The following CKLF variants were observed in gnomAD, a reference collection of about 807,000 sequenced individuals.
The protein encoded by CKLF is chemokine-like factor.
In CKLF, 16 loss-of-function variants were observed where a neutral mutation model predicts 12.9. The ratio of observed to expected loss-of-function variants is 1.24; its 90% CI spans 0.84 to 1.88. The LOEUF (loss-of-function observed/expected upper bound fraction) is 1.88. Among genes scored for constraint, CKLF ranks in the 40% most tolerant of loss-of-function variants. The pLI is 0.00. For missense variants in CKLF, 172 were observed against 188.5 expected, an observed-to-expected ratio of 0.91 and a Z score of 0.51; for synonymous variants, 61 against 69.0, an observed-to-expected ratio of 0.88 and a Z score of 0.57.
In CKLF at chr16:66,565,093, T is replaced by C. The variant is rs571489197; in HGVS notation, c.334-793T>C. 5.3e-5 allele frequency among the ~76,000 whole-genome samples: 8 copies of C among 152,072 alleles called. No homozygotes were observed. In the East Asian group the frequency reaches 1.5e-3, roughly 29 times the overall value. On this transcript the variant is annotated intron_variant, in intron 3 of 3. Coordinates refer to ENST00000264001, the MANE Select transcript of CKLF (RefSeq NM_016951.4). ...GTACAGAGTGCCAGTCATGAAAAGATTGGTAGGAGGTATTCAGTGTGGTCA... is the reference window on the plus strand; with the variant it reads ...GTACAGAGTGCCAGTCATGAAAAGACTGGTAGGAGGTATTCAGTGTGGTCA...
chr16:66,552,802 G>T lies in CKLF; in HGVS notation c.78+9G>T, dbSNP rs561609452. 2 of 1,613,888 alleles carry T rather than the reference G, an allele frequency of 1.2e-6. 1 individual carries two copies. The highest frequency in any genetic ancestry group is 2.2e-5 in the South Asian group (2 of 91,082). The stretch of plus-strand genomic sequence containing the variant: ...TGAAGATGCTGCGGCTGGTGAGGCC[G>T]GGCCGCGGAGGGCGGGAGGCTGATG... On this transcript the variant is annotated intron_variant, in intron 1 of 3. Transcript: ENST00000264001.
chr16:66,561,640 A>T (rs1272829434), intron 2 of CKLF, among the ~76,000 whole-genome samples: 2 of 152,190 alleles, frequency 1.3e-5, no homozygotes, highest in African/African-American at 2.4e-5. Flanking sequence ...TCCAACACAG[A>T]AGAGAGTTAA....
intron 3 of CKLF, among the ~76,000 whole-genome samples, chr16:66,564,441 T>C: frequency 6.6e-6 from 1 of 152,246 alleles, no homozygotes; most frequent in African/African-American, 2.4e-5. Context: ...CTGAGCTAAA[T>C]ATATTAAAAT....
At position 66,566,045 on chromosome 16, in the gene CKLF, T is replaced by G; in HGVS notation, c.*34T>G. ...TACTTTTTAGTTTGATACTAAGTAT[T>G]AAACATATTTCTGTATTCTTCCACA... On this transcript the variant is annotated 3_prime_UTR_variant, in exon 4 of 4. Coordinates refer to ENST00000264001, the MANE Select transcript of CKLF (RefSeq NM_016951.4). This position sits in a 1 kb window ranked among gnomAD's most constrained non-coding sequence, Gnocchi z 4.9. The G allele has an allele frequency of 6.2e-7, 1 of 1,604,954 alleles. No individual in the cohort carries two copies. The highest frequency in any genetic ancestry group is 8.5e-7 in the Non-Finnish European group (1 of 1,172,322).
intron 1 of CKLF, among the ~76,000 whole-genome samples, chr16:66,556,561 C>T (rs560828754): frequency 6.6e-6 from 1 of 152,182 alleles, no homozygotes; most frequent in South Asian, 2.1e-4. Flanking sequence ...TGCAAATCAC[C>T]ATGATGAAAA....
intron 1 of CKLF, among the ~76,000 whole-genome samples, chr16:66,556,467 T>A (rs1469102536): frequency 6.6e-6 from 1 of 152,146 alleles, no homozygotes; most frequent in Non-Finnish European, 1.5e-5. Flanking sequence ...TTAGGAAAGA[T>A]GTAAGAACTG....
At chr16:66,553,171 A>T (rs571026452) in intron 1 of CKLF, among the ~76,000 whole-genome samples, 4 of 151,584 alleles carry the variant, frequency 2.6e-5, no homozygotes, top group African/African-American at 9.7e-5. Flanking sequence ...AAAAACAAAA[A>T]CAAAAAAAAA....
rs770896579 is a variant in CKLF, at chr16:66,552,690, G to A, written c.-26G>A. On this transcript the variant is annotated 5_prime_UTR_variant, in exon 1 of 4. In the 5' UTR this introduces an upstream ATG that the reference lacks. Coordinates refer to ENST00000264001, the MANE Select transcript of CKLF (RefSeq NM_016951.4). ...GCCAGCTGAGAAGAGTTGAGGGAAAGTGCTGCTGCTGGGTCTGCAGACGCG... is the reference window on the plus strand; with the variant it reads ...GCCAGCTGAGAAGAGTTGAGGGAAAATGCTGCTGCTGGGTCTGCAGACGCG... 3 of 1,614,028 alleles carry A rather than the reference G, an allele frequency of 1.9e-6. No individual in the cohort carries two copies. In the Admixed American group the frequency reaches 5.0e-5, roughly 27 times the overall value.
chr16:66,552,759 T>A lies in CKLF; in HGVS notation c.44T>A (p.Phe15Tyr), dbSNP rs779252872. ...QPKIKHRPFC[F>Y]SVKGHVKMLR... ...AAAATAAAACATCGCCCCTTCTGCTTCAGTGTGAAAGGCCACGTGAAGATG... is the reference window on the plus strand; with the variant it reads ...AAAATAAAACATCGCCCCTTCTGCTACAGTGTGAAAGGCCACGTGAAGATG... Residue 15 changes from phenylalanine (F) to tyrosine (Y), a missense_variant, in exon 1 of 4, where the codon TTC becomes TAC. Physicochemically the swap from Phe to Tyr is conservative, Grantham distance 22. Coordinates refer to ENST00000264001, the MANE Select transcript of CKLF (RefSeq NM_016951.4). 10 of 1,613,990 alleles carry A rather than the reference T, an allele frequency of 6.2e-6. No individual in the cohort carries two copies. The highest frequency in any genetic ancestry group is 4.4e-5 in the South Asian group (4 of 91,084).
chr16:66,563,056 T>G, intron 2 of CKLF, 66 bp from the exon 3 acceptor site: 1 of 1,595,584 alleles, frequency 6.3e-7, no homozygotes, highest in Non-Finnish European at 8.6e-7. Context: ...TTTTGTTTTT[T>G]GTTTTTCCTT....
At chr16:66,552,563 ATG>A (rs1965844396), upstream of CKLF, 21 of 1,105,106 alleles carry the variant, frequency 1.9e-5, no homozygotes, top group Non-Finnish European at 2.7e-5. Flanking sequence ...CGCCGTGCGC[ATG>A]CGCGCAAGAG....
In CKLF at chr16:66,552,728, C is replaced by A. The variant is rs142839030; in HGVS notation, c.13C>A (p.Gln5Lys). 37 of 1,614,044 alleles carry A rather than the reference C, an allele frequency of 2.3e-5. 1 individual carries two copies. The highest frequency in any genetic ancestry group is 1.3e-5 in the African/African-American group (1 of 74,940). ...GTCTGCAGACGCGATGGATAACGTGCAGCCGAAAATAAAACATCGCCCCTT... is the reference window on the plus strand; with the variant it reads ...GTCTGCAGACGCGATGGATAACGTGAAGCCGAAAATAAAACATCGCCCCTT... MDNV[Q>K]PKIKHRPFCF... is the part of the protein sequence containing the mutation. The change falls in exon 1 of 4, where the codon CAG becomes AAG. Residue 5 changes from glutamine (Q) to lysine (K), a missense_variant. Gln to Lys is a moderately conservative substitution (Grantham distance 53). Transcript: ENST00000264001.
Position 66,561,279 on chromosome 16 carries a change from A to G in CKLF, c.238-1843A>G, listed in dbSNP as rs16956697. 1.1e-3 allele frequency among the ~76,000 whole-genome samples: 167 copies of G among 151,918 alleles called. 1 individual carries two copies. Among genetic ancestry groups the G allele is most frequent in the African/African-American group, 3.9e-3 (160 of 41,394 alleles). On this transcript the variant is annotated intron_variant, in intron 2 of 3. Coordinates refer to ENST00000264001, the MANE Select transcript of CKLF (RefSeq NM_016951.4). ...TGATTGTTCCCCCCCGAGAGCCCCA[A>G]ATGACAGAAAACACAAAAAGCCAGT... is the stretch of plus-strand genomic sequence containing the variant.
Position 66,552,601 on chromosome 16 carries a change from G to A in CKLF, c.-115G>A. ...AGCGGGAAGCCGAGCTGGGCGAGAA[G>A]TAGGGGAGGGCGGTGCTCCGCCGCG... is the stretch of plus-strand genomic sequence containing the variant. On this transcript the variant is annotated 5_prime_UTR_variant, in exon 1 of 4. Coordinates refer to ENST00000264001, the MANE Select transcript of CKLF (RefSeq NM_016951.4). 6.5e-7 allele frequency: 1 copy of A among 1,528,020 alleles called. No homozygotes were observed. 94.7% of individuals were successfully genotyped at this position (1,528,020 alleles called of 1,614,324 possible).
intron 3 of CKLF, among the ~76,000 whole-genome samples, chr16:66,565,451 A>G (rs1039180957): frequency 6.6e-6 from 1 of 152,222 alleles, no homozygotes; most frequent in African/African-American, 2.4e-5. Flanking sequence ...TACAGTCCCC[A>G]TGATTTAATA....
At chr16:66,557,511 AG>A (rs1230744275) in intron 1 of CKLF, among the ~76,000 whole-genome samples, 2 of 151,998 alleles carry the variant, frequency 1.3e-5, no homozygotes, top group Non-Finnish European at 2.9e-5. Flanking sequence ...TTTTCATGGC[AG>A]CATTCTAAGT....
chr16:66,562,127 C>T (rs1213168887), intron 2 of CKLF, among the ~76,000 whole-genome samples: 1 of 151,724 alleles, frequency 6.6e-6, no homozygotes, highest in Non-Finnish European at 1.5e-5. Context: ...AAAATTCCAC[C>T]AGGCTGGAAT....
chr16:66,556,957 A>G (rs2011472777), intron 1 of CKLF, among the ~76,000 whole-genome samples: 1 of 152,202 alleles, frequency 6.6e-6, no homozygotes, highest in Non-Finnish European at 1.5e-5. Flanking sequence ...GAACATTGAC[A>G]GAACTCCCCT....
At chr16:66,564,285 G>T (rs888446005) in intron 3 of CKLF, among the ~76,000 whole-genome samples, 4 of 152,104 alleles carry the variant, frequency 2.6e-5, no homozygotes, top group Non-Finnish European at 5.9e-5. Flanking sequence ...CTGAGCACTG[G>T]AAATGTGGCT....
Sources: allele counts gnomAD v4.1 joint callset (sites outside exome capture counted in the v4.1 genomes callset), GRCh38; gene constraint gnomAD v4.1.1; non-coding constraint Gnocchi (gnomAD v3.1); transcripts MANE v1.5; gene names NCBI Gene and HGNC (gene_info 2026-07-23, HGNC 2026-07-21).